The following FBXL18 variants were observed in gnomAD, a reference collection of about 807,000 sequenced individuals.
FBXL18 encodes F-box/LRR-repeat protein 18.
In FBXL18, 36 loss-of-function variants were observed where a neutral mutation model predicts 46.0. That is an observed-to-expected ratio of 0.78 (90% CI 0.60 to 1.03). FBXL18 has a LOEUF of 1.03. Ranked by LOEUF, FBXL18 falls within the 50% of genes least tolerant of loss-of-function variation. The pLI, the probability that FBXL18 is intolerant of heterozygous loss-of-function variation, is 0.00. For synonymous variants in FBXL18, 557 were observed against 465.3 expected, an observed-to-expected ratio of 1.20 and a Z score of -2.54; for missense variants, 977 against 1,004.1, an observed-to-expected ratio of 0.97 and a Z score of 0.36.
At chr7:5,482,462 C>T (rs1323332136) in intron 4 of FBXL18, among the ~76,000 whole-genome samples, 2 of 152,138 alleles carry the variant, frequency 1.3e-5, no homozygotes, top group African/African-American at 2.4e-5. Context: ...GAAAAGCACA[C>T]GTTTGACCGC....
Position 5,477,275 on chromosome 7 carries a change from A to C in FBXL18, c.*4500T>G, listed in dbSNP as rs1783538329. On this transcript the variant is annotated 3_prime_UTR_variant, in exon 5 of 5. Coordinates refer to ENST00000382368, the MANE Select transcript of FBXL18 (RefSeq NM_024963.6). This position sits in a 1 kb window ranked among gnomAD's most constrained non-coding sequence, Gnocchi z 4.4. ...CAAAGACCCCCCAGCGTCGTGGTCA[A>C]GGCTACCAGGAACTGGCAGCAGCGC... 6.6e-6 allele frequency among the ~76,000 whole-genome samples: 1 copy of C among 152,110 alleles called. No homozygotes were observed. The highest frequency in any genetic ancestry group is 1.5e-5 in the Non-Finnish European group (1 of 68,022).
At chr7:5,511,004 T>C (rs1003718332) in intron 1 of FBXL18, among the ~76,000 whole-genome samples, 1 of 152,236 alleles carries the variant, frequency 6.6e-6, no homozygotes, top group Non-Finnish European at 1.5e-5. Flanking sequence ...TTTCAGAATA[T>C]GTAACATTTC....
Position 5,455,042 on chromosome 7 carries a change from C to T in FBXL18, c.2001-7199G>A, listed in dbSNP as rs116344397. Among the ~76,000 whole-genome samples, 528 of 152,252 alleles carry T rather than the reference C, an allele frequency of 3.5e-3. 4 individuals are homozygous for T. The highest frequency in any genetic ancestry group is 0.012 in the African/African-American group (503 of 41,550). ...AGTGATCCCAGTCACACTGGCACTC[C>T]GAGTGCCACCTTCCACGCCGTCACT... On this transcript the variant is annotated intron_variant and NMD_transcript_variant, in intron 4 of 6. Coordinates refer to the FBXL18 transcript ENST00000415009. This position sits in a 1 kb window ranked among gnomAD's most constrained non-coding sequence, Gnocchi z 4.6.
At chr7:5,489,258 A>G in intron 4 of FBXL18, 1 of 518,968 alleles carries the variant, frequency 1.9e-6, no homozygotes, top group Non-Finnish European at 3.8e-6. Context: ...ATCAGATTAC[A>G]AAACAATATG....
At chr7:5,474,673 T>G (rs1783479461), downstream of FBXL18, among the ~76,000 whole-genome samples, 1 of 26,956 alleles carries the variant, frequency 3.7e-5, no homozygotes, top group Non-Finnish European at 6.6e-5. Context: ...GCTGGCAAAT[T>G]ATGCACTTTA....
chr7:5,469,533 T>C (rs529585697), intron 4 of FBXL18, among the ~76,000 whole-genome samples: 9 of 152,140 alleles, frequency 5.9e-5, no homozygotes, highest in Middle Eastern at 3.4e-3. Context: ...ATGTGTGAGC[T>C]ATCAGTGTGT....
Position 5,496,449 on chromosome 7 carries a change from C to G in FBXL18, c.1781+4039G>C, listed in dbSNP as rs1382015568. Among the ~76,000 whole-genome samples the G allele has an allele frequency of 1.3e-5, 2 of 151,334 alleles. No homozygotes were observed. Among genetic ancestry groups the G allele is most frequent in the Non-Finnish European group, 2.9e-5 (2 of 67,888 alleles). On this transcript the variant is annotated intron_variant, in intron 3 of 4. Coordinates refer to ENST00000382368, the MANE Select transcript of FBXL18 (RefSeq NM_024963.6). This position sits in a 1 kb window ranked among gnomAD's most constrained non-coding sequence, Gnocchi z 4.8. ...CAATCCTTGTCACGTGTGCCCCAGC[C>G]CAATCCGTGGGCTCACCTGGATCCA...
At position 5,500,532 on chromosome 7, in the gene FBXL18, C is replaced by A; in HGVS notation, c.1737G>T (p.Ala579=). The change falls in exon 3 of 5, where the codon GCG becomes GCT. Residue 579 remains alanine (A), a synonymous_variant. Transcript: ENST00000382368. ...TGCAGTGCTTCAACATGTCTGAGAG[C>A]GCGGGCATGTACACCACCTTCCCCA... ...GMMGKVVYMP[A]LSDMLKHCKR... The A allele has an allele frequency of 1.2e-6, 2 of 1,612,800 alleles. No homozygotes were observed. Among genetic ancestry groups the A allele is most frequent in the Non-Finnish European group, 1.7e-6 (2 of 1,179,470 alleles).
At chr7:5,456,563 TG>T (rs572883501) in intron 4 of FBXL18, among the ~76,000 whole-genome samples, 5 of 133,196 alleles carry the variant, frequency 3.8e-5, no homozygotes, top group Admixed American at 2.4e-4. Flanking sequence ...CTCAGCAAGG[TG>T]GGGGGGCTCC....
chr7:5,511,769 A>G (rs1784540464), intron 1 of FBXL18, among the ~76,000 whole-genome samples: 1 of 66,312 alleles, frequency 1.5e-5, no homozygotes, highest in Non-Finnish European at 4.0e-5. Context: ...CTCCATCTCA[A>G]AAAAAAAAAA....
At chr7:5,459,388 A>G (rs1783213265) in intron 4 of FBXL18, among the ~76,000 whole-genome samples, 1 of 152,162 alleles carries the variant, frequency 6.6e-6, no homozygotes, top group African/African-American at 2.4e-5. Context: ...GGATCACCCG[A>G]GGTCAGGAGT....
downstream of FBXL18, among the ~76,000 whole-genome samples, chr7:5,474,686 T>TA (rs1554317765): frequency 0.19 from 7,576 of 39,414 alleles, 315 homozygotes; most frequent in Middle Eastern, 0.23. Context: ...GCACTTTATT[T>TA]TTTATTTATT....
chr7:5,510,361 G>A (rs960003519), intron 1 of FBXL18, among the ~76,000 whole-genome samples: 1 of 148,800 alleles, frequency 6.7e-6, no homozygotes, highest in African/African-American at 2.5e-5. Flanking sequence ...TGGGCAATGT[G>A]GCAAAACCTC....
chr7:5,503,661 A>C lies in FBXL18; in HGVS notation c.238-1630T>G, dbSNP rs1584239279. Among the ~76,000 whole-genome samples, 3 of 152,198 alleles carry C rather than the reference A, an allele frequency of 2.0e-5. No individual in the cohort carries two copies. The South Asian group carries it at 6.2e-4, about 32-fold the overall frequency. ...AGGCATGAGCCACCAGACCCGGCCA[A>C]AAAATTAAATTAAAAAAATGCTCCA... On this transcript the variant is annotated intron_variant, in intron 2 of 4. Transcript: ENST00000382368.
chr7:5,491,491 T>G, intron 3 of FBXL18, 42 bp from the exon 4 acceptor site: 1 of 1,499,708 alleles, frequency 6.7e-7, no homozygotes, highest in Non-Finnish European at 9.0e-7. Context: ...AGGGAGGGGC[T>G]CGCAGGCCAG....
chr7:5,457,592 G>A (rs1783189979), intron 4 of FBXL18, among the ~76,000 whole-genome samples: 1 of 152,234 alleles, frequency 6.6e-6, no homozygotes, highest in Non-Finnish European at 1.5e-5. Context: ...ATACACAGCA[G>A]TCTCCAGAGG....
At chr7:5,508,209 T>C (rs1348907500) in intron 1 of FBXL18, among the ~76,000 whole-genome samples, 1 of 148,612 alleles carries the variant, frequency 6.7e-6, no homozygotes, top group African/African-American at 2.5e-5. Flanking sequence ...GAGGTTGCAG[T>C]GAGCTGAGAT....
chr7:5,487,128 C>G (rs1288729365), intron 4 of FBXL18, among the ~76,000 whole-genome samples: 1 of 152,234 alleles, frequency 6.6e-6, no homozygotes, highest in African/African-American at 2.4e-5. Context: ...GACCCCTAGG[C>G]CCACACAGGT....
intron 4 of FBXL18, among the ~76,000 whole-genome samples, chr7:5,460,623 T>C (rs1032662847): frequency 6.6e-6 from 1 of 152,170 alleles, no homozygotes; most frequent in Non-Finnish European, 1.5e-5. Context: ...CAGCTAATTT[T>C]TGTATTTTTA....
Sources: gnomAD v4.1 joint callset for allele counts (sites outside exome capture counted in the v4.1 genomes callset) on GRCh38, gnomAD v4.1.1 for gene constraint, Gnocchi (gnomAD v3.1) non-coding constraint, MANE v1.5 for transcripts, NCBI Gene and HGNC (gene_info 2026-07-23, HGNC 2026-07-21) for gene names.